Variants in ABTB3 observed in about 807,000 individuals in gnomAD.
The protein encoded by ABTB3 is ankyrin repeat and BTB domain containing 3, also known as ankyrin repeat- and BTB/POZ domain-containing protein 3.
chr12:107,469,866 T>TTTTCTTTCTTTCTTTCTTTCTTTCTTTC, the ABTB3 span, among the ~76,000 whole-genome samples: 1 of 75,574 alleles, frequency 1.3e-5, no homozygotes, highest in East Asian at 3.9e-4. Context: ...TCTTTCTTTC[T>TTTTCTTTCTTTCTTTCTTTCTTTCTTTC]TTTCTTTCTT....
the ABTB3 span, among the ~76,000 whole-genome samples, chr12:107,603,954 G>T: frequency 6.6e-6 from 1 of 152,140 alleles, no homozygotes; most frequent in South Asian, 2.1e-4. Flanking sequence ...CGGATCACAA[G>T]GTCAGGAGAT....
chr12:107,526,792 C>A, the ABTB3 span, among the ~76,000 whole-genome samples: 1 of 152,128 alleles, frequency 6.6e-6, no homozygotes. Flanking sequence ...TCCTCAGTGT[C>A]ACAAGAAGAA....
the ABTB3 span, among the ~76,000 whole-genome samples, chr12:107,484,007 A>T: frequency 1.3e-5 from 2 of 152,112 alleles, no homozygotes; most frequent in Non-Finnish European, 2.9e-5. Context: ...GTTTATTTTT[A>T]ATCCATTCCA....
the ABTB3 span, among the ~76,000 whole-genome samples, chr12:107,630,350 T>C: frequency 6.6e-6 from 1 of 152,202 alleles, no homozygotes; most frequent in Non-Finnish European, 1.5e-5. Flanking sequence ...TCCCTAAACC[T>C]CTGGCGAATG....
chr12:107,581,402 C>G, the ABTB3 span: 1 of 1,055,682 alleles, frequency 9.5e-7, no homozygotes, highest in East Asian at 3.9e-5. Context: ...GGCCTGAGCC[C>G]CGCACACCTC....
At chr12:107,420,581 T>C in the ABTB3 span, among the ~76,000 whole-genome samples, 1 of 152,214 alleles carries the variant, frequency 6.6e-6, no homozygotes, top group African/African-American at 2.4e-5. Context: ...GTAGGGATTA[T>C]GGGAGCTACA....
the ABTB3 span, among the ~76,000 whole-genome samples, chr12:107,596,922 C>T: frequency 1.3e-5 from 2 of 152,208 alleles, no homozygotes; most frequent in South Asian, 2.1e-4. Flanking sequence ...TTGCTCTTGT[C>T]CCATCTCAGT....
the ABTB3 span, among the ~76,000 whole-genome samples, chr12:107,445,477 C>A: frequency 5.3e-5 from 8 of 152,166 alleles, no homozygotes; most frequent in African/African-American, 1.9e-4. Context: ...CTATTGAGCA[C>A]TCCTGTGAGC....
At chr12:107,408,938 CA>C in the ABTB3 span, among the ~76,000 whole-genome samples, 1 of 152,236 alleles carries the variant, frequency 6.6e-6, no homozygotes, top group East Asian at 1.9e-4. Context: ...CCCACCCCTC[CA>C]AAAAGTACAG....
At chr12:107,512,571 C>T in the ABTB3 span, among the ~76,000 whole-genome samples, 22 of 152,292 alleles carry the variant, frequency 1.4e-4, no homozygotes, top group East Asian at 4.0e-3. Flanking sequence ...GGCAGGGATC[C>T]AGCTGTCTAT....
At chr12:107,658,806 A>G in the ABTB3 span, 1 of 152,628 alleles carries the variant, frequency 6.6e-6, no homozygotes, top group Non-Finnish European at 1.5e-5. Context: ...TATTCTCAGA[A>G]GATGTTAATA....
the ABTB3 span, among the ~76,000 whole-genome samples, chr12:107,543,716 C>T: frequency 1.3e-5 from 2 of 151,970 alleles, no homozygotes; most frequent in East Asian, 1.9e-4. Context: ...ATCTTAGCCG[C>T]CCTCTGTGCT....
At chr12:107,391,397 AG>A in the ABTB3 span, among the ~76,000 whole-genome samples, 3 of 152,248 alleles carry the variant, frequency 2.0e-5, no homozygotes, top group East Asian at 1.9e-4. Context: ...CTGATTTAGA[AG>A]GGGGGTCTTT....
the ABTB3 span, chr12:107,319,754 C>T: frequency 1.3e-6 from 2 of 1,510,554 alleles, no homozygotes; most frequent in Non-Finnish European, 1.8e-6. Context: ...GGGCTCCGGC[C>T]CAGGCCCGAG....
chr12:107,319,758 G>A, the ABTB3 span: 258 of 1,505,600 alleles, frequency 1.7e-4, 2 homozygotes, highest in Middle Eastern at 4.7e-3. Flanking sequence ...TCCGGCCCAG[G>A]CCCGAGCTCG....
chr12:107,492,684 C>T, the ABTB3 span, among the ~76,000 whole-genome samples: 1 of 152,148 alleles, frequency 6.6e-6, no homozygotes. Flanking sequence ...TTAACGGCCG[C>T]TGTGGGAGGT....
the ABTB3 span, among the ~76,000 whole-genome samples, chr12:107,438,364 T>A: frequency 6.6e-6 from 1 of 152,302 alleles, no homozygotes; most frequent in East Asian, 1.9e-4. Context: ...CAGAAACAAG[T>A]TTGCCTTTCA....
the ABTB3 span, among the ~76,000 whole-genome samples, chr12:107,512,174 A>G: frequency 0.11 from 16,481 of 152,290 alleles, 955 homozygotes; most frequent in African/African-American, 0.14. Flanking sequence ...AAACCCCAGG[A>G]AGCAAAAGAA....
chr12:107,463,291 ATGG>A, the ABTB3 span, among the ~76,000 whole-genome samples: 12 of 151,134 alleles, frequency 7.9e-5, no homozygotes, highest in African/African-American at 2.7e-4. Flanking sequence ...AGTGATGATG[ATGG>A]TGGTGGTGGT....
Sources: gnomAD v4.1 joint callset for allele counts (sites outside exome capture counted in the v4.1 genomes callset) on GRCh38, gnomAD v4.1.1 for gene constraint, MANE v1.5 for transcripts, NCBI Gene and HGNC (gene_info 2026-07-23, HGNC 2026-07-21) for gene names.